The following DEK variants were observed in gnomAD, a reference collection of about 807,000 sequenced individuals.
DEK encodes protein DEK.
DEK carries 28 observed loss-of-function variants against 46.8 expected under a neutral mutation model. That is an observed-to-expected ratio of 0.60 (90% CI 0.44 to 0.82). DEK has a LOEUF of 0.82. DEK is among the 40% of genes least tolerant of loss of function. The probability of loss-of-function intolerance (pLI) is 0.00; values close to 1 mark genes in which losing one functional copy is unlikely to be tolerated. For synonymous variants in DEK, 160 were observed against 144.5 expected (o/e 1.11, Z -0.77); for missense variants, 416 against 430.6 (o/e 0.97, Z 0.30).
chr6:18,242,774 A>G (rs1156545868), intron 7 of DEK, among the ~76,000 whole-genome samples: 2 of 152,202 alleles, frequency 1.3e-5, no homozygotes, highest in African/African-American at 2.4e-5. Flanking sequence ...GAAGCCATAA[A>G]GTGGGTTCTT....
intron 4 of DEK, among the ~76,000 whole-genome samples, chr6:18,257,585 A>T (rs1791654236): frequency 6.6e-6 from 1 of 152,068 alleles, no homozygotes; most frequent in South Asian, 2.1e-4. Flanking sequence ...GTATGGTGGC[A>T]TGCACCTGTG....
At chr6:18,262,404 T>G (rs2151096810) in intron 2 of DEK, among the ~76,000 whole-genome samples, 1 of 152,130 alleles carries the variant, frequency 6.6e-6, no homozygotes, top group Admixed American at 6.5e-5. Flanking sequence ...CTTTCACAAT[T>G]CTACTTGTCC....
intron 9 of DEK, among the ~76,000 whole-genome samples, chr6:18,232,251 T>G (rs183283748): frequency 2.0e-5 from 3 of 150,664 alleles, no homozygotes; most frequent in Non-Finnish European, 4.5e-5. Context: ...AAACCCACAG[T>G]CATCATATTG....
In DEK at chr6:18,256,347, TA is replaced by T; in HGVS notation, c.452+13del. On this transcript the variant is annotated intron_variant, in intron 5 of 10. Transcript: ENST00000652689. Reference sequence around the variant, plus strand: ...CATATTGATCAAAATACAGTATTTATAAAAATAACTTACTTTTTCAACATTT... The same window carrying T: ...CATATTGATCAAAATACAGTATTTATAAAATAACTTACTTTTTCAACATTT... The T allele has an allele frequency of 6.3e-7, 1 of 1,587,838 alleles. No homozygotes were observed.
chr6:18,237,099 C>T (rs1482590147), intron 8 of DEK: 1 of 297,860 alleles, frequency 3.4e-6, no homozygotes, highest in East Asian at 6.3e-5. Context: ...TACCTTCAGG[C>T]TATTTAAGAT....
chr6:18,238,463 T>A (rs1582266579), intron 7 of DEK, among the ~76,000 whole-genome samples: 1 of 150,402 alleles, frequency 6.6e-6, no homozygotes, highest in Admixed American at 6.6e-5. Flanking sequence ...CTTTGGGAGG[T>A]CAAGGCGGGC....
At chr6:18,248,792 G>C (rs1756529525) in intron 7 of DEK, among the ~76,000 whole-genome samples, 1 of 152,078 alleles carries the variant, frequency 6.6e-6, no homozygotes, top group African/African-American at 2.4e-5. Context: ...AATGTCTGAA[G>C]AACATTTTTG....
intron 9 of DEK, among the ~76,000 whole-genome samples, chr6:18,232,347 TG>T (rs1790448688): frequency 6.6e-6 from 1 of 152,190 alleles, no homozygotes. Context: ...AACATAGTGC[TG>T]GAAGTTCTGG....
At chr6:18,231,299 A>T (rs1790402105) in intron 9 of DEK, among the ~76,000 whole-genome samples, 1 of 152,196 alleles carries the variant, frequency 6.6e-6, no homozygotes, top group South Asian at 2.1e-4. Context: ...TAACATCACA[A>T]TTAAAAGAAC....
chr6:18,258,398 ACT>A lies in DEK; in HGVS notation c.151_152del (p.Leu52HisfsTer38). On this transcript the variant is annotated frameshift_variant, in exon 3 of 11. Coordinates refer to ENST00000652689, the MANE Select transcript of DEK (RefSeq NM_003472.4). LOFTEE classifies it high-confidence loss of function. ...EEEEEEEKEKSLIVEGKREKK... is the reference protein window; with the variant it reads ...EEEEEEEKEKXLIVEGKREKK... ...TTTCCCTCTTGCCTTCCACGATGAG[ACT>A]CTTTTCTAGAAATTAATTTAGTATT... is the stretch of plus-strand genomic sequence containing the variant. 1.2e-6 allele frequency: 2 copies of A among 1,609,010 alleles called. No individual in the cohort carries two copies. The highest frequency in any genetic ancestry group is 2.2e-5 in the East Asian group (1 of 44,728).
In DEK at chr6:18,256,347, T is replaced by G; in HGVS notation, c.452+14A>C. 6.3e-7 allele frequency: 1 copy of G among 1,587,840 alleles called. No homozygotes were observed. Among genetic ancestry groups the G allele is most frequent in the Non-Finnish European group, 8.6e-7 (1 of 1,161,418 alleles). On this transcript the variant is annotated intron_variant, in intron 5 of 10. Transcript: ENST00000652689. ...CATATTGATCAAAATACAGTATTTATAAAAATAACTTACTTTTTCAACATT... is the reference window on the plus strand; with the variant it reads ...CATATTGATCAAAATACAGTATTTAGAAAAATAACTTACTTTTTCAACATT...
chr6:18,254,592 CCTCA>C (rs1791528263), intron 6 of DEK, among the ~76,000 whole-genome samples: 1 of 151,422 alleles, frequency 6.6e-6, no homozygotes, highest in Non-Finnish European at 1.5e-5. Context: ...CTCTTGGGGT[CCTCA>C]CTAATTTTTT....
chr6:18,249,691 T>A lies in DEK; in HGVS notation c.722A>T (p.Glu241Val). 1 of 1,603,562 alleles carries A rather than the reference T, an allele frequency of 6.2e-7. No homozygotes were observed. Among genetic ancestry groups the A allele is most frequent in the Non-Finnish European group, 8.5e-7 (1 of 1,177,334 alleles). The change falls in exon 7 of 11, where the codon GAA becomes GTA. Residue 241 changes from glutamate (E) to valine (V), a missense_variant. Physicochemically the swap from Glu to Val is moderately radical, Grantham distance 121. Coordinates refer to ENST00000652689, the MANE Select transcript of DEK (RefSeq NM_003472.4). ...TTTATCTTCATCATCTGAAGACTCT[T>A]CCTTGTTTTTCTTTTCATCTTCATC... Reference protein sequence around the residue: ...SSDEDEKKNKEESSDDEDKES... With the variant: ...SSDEDEKKNKVESSDDEDKES...
At chr6:18,253,516 C>T (rs866851634) in intron 6 of DEK, among the ~76,000 whole-genome samples, 4 of 152,070 alleles carry the variant, frequency 2.6e-5, no homozygotes, top group South Asian at 2.1e-4. Context: ...TATTTACAAG[C>T]GGTAAATGCA....
Position 18,261,592 on chromosome 6 carries a change from A to C in DEK, c.145+2251T>G, listed in dbSNP as rs1035679538. Among the ~76,000 whole-genome samples the C allele has an allele frequency of 5.3e-5, 8 of 152,094 alleles. No homozygotes were observed. In the East Asian group the frequency reaches 9.6e-4, roughly 18 times the overall value. ...GTTTCAAAAAACAAACAAACAAACA[A>C]ACACAGAAAAACAAAAACCAAACAA... On this transcript the variant is annotated intron_variant, in intron 2 of 10. Transcript: ENST00000652689.
intron 10 of DEK, 32 bp downstream of exon 10, chr6:18,226,141 CT>C: frequency 8.0e-7 from 1 of 1,257,488 alleles, no homozygotes; most frequent in Non-Finnish European, 1.1e-6. Context: ...TCTTATATTT[CT>C]AAAGTCAAAC....
At chr6:18,236,647 C>A in intron 8 of DEK, 47 bp from the exon 9 acceptor site, 3 of 1,258,214 alleles carry the variant, frequency 2.4e-6, no homozygotes, top group Non-Finnish European at 3.2e-6. Context: ...AGTAAATTAA[C>A]ATTTAACAAA....
Position 18,225,626 on chromosome 6 carries a change from T to C in DEK, c.*93A>G, listed in dbSNP as rs746306851. 2 of 1,434,024 alleles carry C rather than the reference T, an allele frequency of 1.4e-6. No homozygotes were observed. Among genetic ancestry groups the C allele is most frequent in the South Asian group, 2.7e-5 (2 of 75,268 alleles). The allele number at this position is 1,434,024 out of a possible 1,614,324, so 88.8% of individuals were successfully genotyped here. On this transcript the variant is annotated 3_prime_UTR_variant, in exon 11 of 11. Coordinates refer to ENST00000652689, the MANE Select transcript of DEK (RefSeq NM_003472.4). Reference sequence around the variant, plus strand: ...TTCTACTAACGTTGCTTAACAAGGATTTAGAAAAGGAAATACATTCTCTTT... The same window carrying C: ...TTCTACTAACGTTGCTTAACAAGGACTTAGAAAAGGAAATACATTCTCTTT...
chr6:18,247,381 T>C (rs904281810), intron 7 of DEK, among the ~76,000 whole-genome samples: 2 of 152,212 alleles, frequency 1.3e-5, no homozygotes, highest in Non-Finnish European at 2.9e-5. Flanking sequence ...TAAAATATGA[T>C]ATAGCTTTTA....
Sources: gnomAD v4.1 joint callset for allele counts (sites outside exome capture counted in the v4.1 genomes callset) on GRCh38, gnomAD v4.1.1 for gene constraint, MANE v1.5 for transcripts, NCBI Gene and HGNC (gene_info 2026-07-23, HGNC 2026-07-21) for gene names.